THAP2: variants seen among roughly 807,000 people sequenced by gnomAD.
THAP2 encodes the protein THAP domain containing 2.
In THAP2, 16 loss-of-function variants were observed where a neutral mutation model predicts 18.8. That is an observed-to-expected ratio of 0.85 (90% CI 0.58 to 1.29). The LOEUF (loss-of-function observed/expected upper bound fraction) is 1.29, where lower values mean the gene tolerates loss of function less well. Among genes scored for constraint, THAP2 ranks in the 50% most tolerant of loss-of-function variants. THAP2 has a pLI of 0.00. For synonymous variants in THAP2, 80 were observed against 89.2 expected, an observed-to-expected ratio of 0.90 and a Z score of 0.58; for missense variants, 251 against 265.3, an observed-to-expected ratio of 0.95 and a Z score of 0.38.
rs1881285169 is a variant in THAP2 at position 71,664,387 on chromosome 12, C to T, written c.-123C>T. On this transcript the variant is annotated 5_prime_UTR_variant, in exon 1 of 3. Coordinates refer to ENST00000308086, the MANE Select transcript of THAP2 (RefSeq NM_031435.4). ...ACACACCCCTTCTTCCCACTCCGCT[C>T]TCACGACTAAGCTCTCACGATTAAG... is the stretch of plus-strand genomic sequence containing the variant. The T allele has an allele frequency of 8.2e-7, 1 of 1,216,240 alleles. No individual in the cohort carries two copies. Among genetic ancestry groups the T allele is most frequent in the East Asian group, 2.3e-5 (1 of 42,816 alleles). 75.3% of individuals were successfully genotyped at this position (1,216,240 alleles called of 1,614,324 possible).
At chr12:71,669,884 G>A (rs1020068380) in intron 1 of THAP2, among the ~76,000 whole-genome samples, 2 of 150,394 alleles carry the variant, frequency 1.3e-5, no homozygotes, top group African/African-American at 4.9e-5. Context: ...TCGAACCTGG[G>A]AGGCAGAGGT....
chr12:71,673,296 G>T (rs1274008984), intron 1 of THAP2, among the ~76,000 whole-genome samples: 5 of 150,984 alleles, frequency 3.3e-5, no homozygotes, highest in Admixed American at 2.6e-4. Flanking sequence ...TAATTTTTTT[G>T]ATGTTTCCAG....
chr12:71,680,445 A>G lies in THAP2; in HGVS notation c.*3337A>G, dbSNP rs1347821982. The G allele has an allele frequency of 6.6e-6, 1 of 152,632 alleles. No homozygotes were observed. Among genetic ancestry groups the G allele is most frequent in the Non-Finnish European group, 1.5e-5 (1 of 68,022 alleles). 9.5% of individuals were successfully genotyped at this position (152,632 alleles called of 1,614,324 possible). ...ATATTGTGTTTTATCTCATTTCTCA[A>G]TATTAGAATACGGGTAGATTTTAAT... On this transcript the variant is annotated 3_prime_UTR_variant, in exon 3 of 3. Coordinates refer to ENST00000308086, the MANE Select transcript of THAP2 (RefSeq NM_031435.4).
In THAP2 at chr12:71,674,185, C is replaced by A. The variant is rs1592612782; in HGVS notation, c.72-18C>A. ...ATTATGATAGTTGGAATTTGAGTTG[C>A]ATTTTTTTTTTTTTAAGGTTTCCTT... On this transcript the variant is annotated intron_variant, in intron 1 of 2. Transcript: ENST00000308086. The A allele has an allele frequency of 8.0e-7, 1 of 1,243,346 alleles. No individual in the cohort carries two copies. Among genetic ancestry groups the A allele is most frequent in the Non-Finnish European group, 1.1e-6 (1 of 931,902 alleles). The allele number at this position is 1,243,346 out of a possible 1,614,324, so 77.0% of individuals were successfully genotyped here.
intron 2 of THAP2, among the ~76,000 whole-genome samples, chr12:71,676,261 C>A (rs1881517633): frequency 6.6e-6 from 1 of 151,936 alleles, no homozygotes; most frequent in Non-Finnish European, 1.5e-5. Context: ...TTAAATAGGA[C>A]CCTGGGTCTA....
intron 1 of THAP2, among the ~76,000 whole-genome samples, chr12:71,667,026 C>T (rs1881355122): frequency 6.6e-6 from 1 of 152,220 alleles, no homozygotes; most frequent in South Asian, 2.1e-4. Flanking sequence ...GCCACCACGC[C>T]TGGCCATTAG....
intron 1 of THAP2, among the ~76,000 whole-genome samples, chr12:71,666,853 G>A (rs1881352355): frequency 6.6e-6 from 1 of 152,048 alleles, no homozygotes; most frequent in African/African-American, 2.4e-5. Context: ...TCCTGCCTCA[G>A]CCTCCCGAAT....
chr12:71,671,490 C>T (rs1448277102), intron 1 of THAP2, among the ~76,000 whole-genome samples: 1 of 152,204 alleles, frequency 6.6e-6, no homozygotes, highest in East Asian at 1.9e-4. Flanking sequence ...TGAAACCTGT[C>T]ACTGCCCACC....
intron 1 of THAP2, chr12:71,665,858 A>G (rs1881328170): frequency 1.3e-5 from 2 of 152,286 alleles, no homozygotes; most frequent in African/African-American, 4.8e-5. Context: ...AGTGTTACTG[A>G]AAGTGCTGGT....
chr12:71,668,895 T>A (rs1156316645), intron 1 of THAP2, among the ~76,000 whole-genome samples: 1 of 152,208 alleles, frequency 6.6e-6, no homozygotes, highest in Non-Finnish European at 1.5e-5. Context: ...AACTTAAATT[T>A]AGCTTATGGG....
At chr12:71,674,089 A>T in intron 1 of THAP2, 114 bp from the exon 2 acceptor site, 1 of 1,094,578 alleles carries the variant, frequency 9.1e-7, no homozygotes, top group Non-Finnish European at 1.2e-6. Flanking sequence ...TTAGTTTAAA[A>T]TTTTTTAGGT....
chr12:71,670,110 C>G (rs538048493), intron 1 of THAP2, among the ~76,000 whole-genome samples: 1 of 152,032 alleles, frequency 6.6e-6, no homozygotes, highest in South Asian at 2.1e-4. Flanking sequence ...GACTGTAAAT[C>G]CAGACATTCA....
chr12:71,673,672 C>T (rs181865925), intron 1 of THAP2, among the ~76,000 whole-genome samples: 99 of 152,160 alleles, frequency 6.5e-4, no homozygotes, highest in African/African-American at 2.1e-3. Context: ...TGATCCCTGT[C>T]CTCAAGAAAT....
intron 1 of THAP2, among the ~76,000 whole-genome samples, chr12:71,673,981 C>T (rs978957141): frequency 6.6e-6 from 1 of 152,068 alleles, no homozygotes; most frequent in Non-Finnish European, 1.5e-5. Context: ...TTTTTAAAAG[C>T]CCTGAAAAAT....
chr12:71,673,710 A>G (rs1881477818), intron 1 of THAP2, among the ~76,000 whole-genome samples: 1 of 152,188 alleles, frequency 6.6e-6, no homozygotes, highest in Non-Finnish European at 1.5e-5. Context: ...CTGGAAATTA[A>G]AATGGAAAAA....
chr12:71,665,176 A>T, intron 1 of THAP2: 1 of 534,040 alleles, frequency 1.9e-6, no homozygotes, highest in Non-Finnish European at 3.3e-6. Context: ...AAAATTCTTT[A>T]GTTCTGTCAA....
chr12:71,668,653 T>C (rs1881383388), intron 1 of THAP2, among the ~76,000 whole-genome samples: 1 of 152,228 alleles, frequency 6.6e-6, no homozygotes, highest in Non-Finnish European at 1.5e-5. Context: ...TATGTCTATT[T>C]TGTTTCCTAC....
In THAP2 at chr12:71,680,484, A is replaced by G. The variant is rs956289802; in HGVS notation, c.*3376A>G. 14 of 152,756 alleles carry G rather than the reference A, an allele frequency of 9.2e-5. No individual in the cohort carries two copies. Among genetic ancestry groups the G allele is most frequent in the African/African-American group, 3.1e-4 (13 of 41,564 alleles). The allele number at this position is 152,756 out of a possible 1,614,324, so 9.5% of individuals were successfully genotyped here. A position where few individuals can be genotyped will look rare whatever the true frequency, so the allele number is the denominator to read the frequency against. On this transcript the variant is annotated 3_prime_UTR_variant, in exon 3 of 3. Transcript: ENST00000308086. The stretch of plus-strand genomic sequence containing the variant: ...GTAGATTTTAATTTTGCTATAATAT[A>G]GGAAATGGTTCATCTTTGTACCAAA...
intron 1 of THAP2, chr12:71,665,154 G>C: frequency 1.8e-6 from 1 of 542,942 alleles, no homozygotes; most frequent in East Asian, 3.1e-5. Context: ...TTTGTTTGCT[G>C]GAAGAAAAAT....
Sources: gnomAD v4.1 joint callset for allele counts (sites outside exome capture counted in the v4.1 genomes callset) on GRCh38, gnomAD v4.1.1 for gene constraint, MANE v1.5 for transcripts, NCBI Gene and HGNC (gene_info 2026-07-23, HGNC 2026-07-21) for gene names.